USP42: variants seen among roughly 807,000 people sequenced by gnomAD.
USP42 encodes the protein ubiquitin specific peptidase 42, also known as ubiquitin carboxyl-terminal hydrolase 42.
A neutral mutation model predicts 113.0 loss-of-function variants in USP42; 23 were observed. The ratio of observed to expected loss-of-function variants is 0.20; its 90% CI spans 0.15 to 0.29. USP42 has a LOEUF of 0.29. Among genes scored for constraint, USP42 ranks in the 10% least tolerant of loss-of-function variants. USP42 has a pLI of 1.00. For synonymous variants in USP42, 933 were observed against 699.0 expected (o/e 1.33, Z -5.28); for missense variants, 2,174 against 1,779.8 (o/e 1.22, Z -3.99).
chr7:6,099,364 G>C, the USP42 span, among the ~76,000 whole-genome samples: 6 of 148,570 alleles, frequency 4.0e-5, 2 homozygotes, highest in Admixed American at 2.7e-4. Context: ...ACAGGCACCC[G>C]CCACCATGCC....
Position 6,140,838 on chromosome 7 carries a change from A to G in USP42, c.725-76A>G, listed in dbSNP as rs534709753. 9.5e-6 allele frequency: 8 copies of G among 841,118 alleles called. No individual in the cohort carries two copies. In the Admixed American group the frequency reaches 1.3e-4, roughly 14 times the overall value. The allele number at this position is 841,118 out of a possible 1,614,324, so 52.1% of individuals were successfully genotyped here. A position where few individuals can be genotyped will look rare whatever the true frequency, so the allele number is the denominator to read the frequency against. On this transcript the variant is annotated intron_variant, in intron 6 of 17. Coordinates refer to ENST00000306177, the MANE Select transcript of USP42 (RefSeq NM_032172.3). Reference sequence around the variant, plus strand: ...AAAAAATTTTAAATTTCAAAATTGTATTTTGTCATTTCAGTAGTTGATGTT... The same window carrying G: ...AAAAAATTTTAAATTTCAAAATTGTGTTTTGTCATTTCAGTAGTTGATGTT...
chr7:6,160,468 G>C (rs977182333), intron 17 of USP42, 87 bp from the exon 18 acceptor site: 3 of 152,384 alleles, frequency 2.0e-5, no homozygotes, highest in Admixed American at 6.6e-5. Context: ...CCCAGCCTTC[G>C]GGAGCAGCTG....
chr7:6,156,954 G>T lies in USP42; in HGVS notation c.3842G>T (p.Gly1281Val). The T allele has an allele frequency of 5.0e-6, 8 of 1,613,790 alleles. No individual in the cohort carries two copies. Among genetic ancestry groups the T allele is most frequent in the Non-Finnish European group, 6.8e-6 (8 of 1,179,802 alleles). ...GCCCAGGGTGGCTTTCCTCTCTCTG[G>T]TGGCCCGCCTCTGGAAGGCGTCGGA... ...RRAQGGFPLS[G>V]GPPLEGVGPF... is the part of the protein sequence containing the mutation. Residue 1281 changes from glycine to valine, a missense_variant, in exon 16 of 18, where the codon GGT (glycine) becomes GTT (valine). Physicochemically the swap from Gly to Val is moderately radical, Grantham distance 109. Coordinates refer to ENST00000306177, the MANE Select transcript of USP42 (RefSeq NM_032172.3).
Position 6,154,224 on chromosome 7 carries a change from G to C in USP42, c.2670G>C (p.Leu890Phe). The C allele has an allele frequency of 6.2e-7, 1 of 1,606,814 alleles. No individual in the cohort carries two copies. The highest frequency in any genetic ancestry group is 8.5e-7 in the Non-Finnish European group (1 of 1,178,874). Residue 890 changes from leucine (L) to phenylalanine (F), a missense_variant, in exon 15 of 18, where the codon TTG becomes TTC. Coordinates refer to ENST00000306177, the MANE Select transcript of USP42 (RefSeq NM_032172.3). ...ARDAQDPSQS[L>F]GAPEAAERPP... ...ACGCTCAGGACCCATCCCAGAGCTT[G>C]GGCGCACCCGAGGCCGCAGAGCGGC...
At position 6,139,484 on chromosome 7, in the gene USP42, C is replaced by A; in HGVS notation, c.656+290C>A. The A allele has an allele frequency of 3.7e-6, 1 of 266,884 alleles. No individual in the cohort carries two copies. Among genetic ancestry groups the A allele is most frequent in the East Asian group, 8.4e-5 (1 of 11,888 alleles). The allele number at this position is 266,884 out of a possible 1,614,324, so 16.5% of individuals were successfully genotyped here. A position where few individuals can be genotyped will look rare whatever the true frequency, so the allele number is the denominator to read the frequency against. On this transcript the variant is annotated intron_variant, in intron 5 of 17. Coordinates refer to ENST00000306177, the MANE Select transcript of USP42 (RefSeq NM_032172.3). The surrounding 1 kb of genome is among the most constrained non-coding windows in gnomAD (Gnocchi z 4.5). ...TCATTATCAGCAGACGTCTGCAGAT[C>A]TCAAACTAGCTGCTTCTCCTTTCTA...
In USP42 at chr7:6,159,513, G is replaced by GT. The variant is rs943626278; in HGVS notation, c.*36+23dup. The GT allele has an allele frequency of 1.7e-5, 27 of 1,610,404 alleles. No homozygotes were observed. In the African/African-American group the frequency reaches 2.7e-4, roughly 16 times the overall value. On this transcript the variant is annotated intron_variant, in intron 17 of 17. Transcript: ENST00000306177. This position sits in a 1 kb window ranked among gnomAD's most constrained non-coding sequence, Gnocchi z 4.1. ...GTTATGGTAAGCTGTTTTCCTGTCT[G>GT]TTTCCTCATTGTTTGTGGTGGCGCT...
the USP42 span, among the ~76,000 whole-genome samples, chr7:6,097,889 C>CCATGTAGCTTAT: frequency 2.2e-5 from 3 of 135,212 alleles, no homozygotes; most frequent in East Asian, 2.2e-4. Context: ...CGCGCCCGGC[C>CCATGTAGCTTAT]TTCTTTTTCT....
At chr7:6,131,305 GTC>G (rs1219101360) in intron 3 of USP42, among the ~76,000 whole-genome samples, 2 of 152,004 alleles carry the variant, frequency 1.3e-5, no homozygotes, top group Non-Finnish European at 2.9e-5. Context: ...GTGAAACCCT[GTC>G]TCTACTGAAA....
Position 6,161,550 on chromosome 7 carries a change from T to G in USP42, c.*1032T>G, listed in dbSNP as rs1481642940. On this transcript the variant is annotated 3_prime_UTR_variant, in exon 18 of 18. Coordinates refer to ENST00000306177, the MANE Select transcript of USP42 (RefSeq NM_032172.3). ...ATGTAAAATTTCTATAGTATATAAA[T>G]GGCAGCAAATCACACACTTGGCGTC... is the stretch of plus-strand genomic sequence containing the variant. 2.0e-5 allele frequency: 3 copies of G among 152,638 alleles called. No individual in the cohort carries two copies. Among genetic ancestry groups the G allele is most frequent in the Non-Finnish European group, 2.9e-5 (2 of 68,026 alleles). 9.5% of individuals were successfully genotyped at this position (152,638 alleles called of 1,614,324 possible). A position where few individuals can be genotyped will look rare whatever the true frequency, so the allele number is the denominator to read the frequency against.
chr7:6,153,731 G>GT (rs1324850234), intron 14 of USP42, 25 bp from the exon 15 acceptor site: 13 of 1,432,662 alleles, frequency 9.1e-6, no homozygotes, highest in Admixed American at 2.9e-5. Context: ...GCTAACGGGC[G>GT]TGTTTGTTTG....
chr7:6,110,347 T>C (rs1779531755), intron 1 of USP42, among the ~76,000 whole-genome samples: 1 of 152,188 alleles, frequency 6.6e-6, no homozygotes, highest in Admixed American at 6.5e-5. Flanking sequence ...ATACGTTCTT[T>C]ATAAAAATTA....
At chr7:6,104,338 TC>T (rs1779124106), upstream of USP42, among the ~76,000 whole-genome samples, 1 of 151,952 alleles carries the variant, frequency 6.6e-6, no homozygotes, top group African/African-American at 2.4e-5. Flanking sequence ...CGCCTCGGCC[TC>T]CCAGAATGCT....
At chr7:6,100,657 A>C, upstream of USP42, among the ~76,000 whole-genome samples, 1 of 145,182 alleles carries the variant, frequency 6.9e-6, no homozygotes, top group Non-Finnish European at 1.5e-5. Flanking sequence ...TCTGTTTCTT[A>C]GGGACTATTC....
At chr7:6,127,608 C>T (rs923596146) in intron 3 of USP42, among the ~76,000 whole-genome samples, 1 of 151,942 alleles carries the variant, frequency 6.6e-6, no homozygotes, top group African/African-American at 2.4e-5. Flanking sequence ...TGTCTGTCTC[C>T]AGGTTTCTGT....
chr7:6,095,319 G>A, the USP42 span, among the ~76,000 whole-genome samples: 3 of 151,162 alleles, frequency 2.0e-5, no homozygotes, highest in Non-Finnish European at 4.4e-5. Context: ...GTAAGCAAAA[G>A]CCTGGAAATA....
At chr7:6,110,662 T>C (rs1779551944) in intron 1 of USP42, among the ~76,000 whole-genome samples, 1 of 152,206 alleles carries the variant, frequency 6.6e-6, no homozygotes, top group South Asian at 2.1e-4. Context: ...CAAAATTAAG[T>C]CTAGATTTTT....
intron 3 of USP42, among the ~76,000 whole-genome samples, chr7:6,121,837 T>C (rs1780241889): frequency 6.6e-6 from 1 of 152,162 alleles, no homozygotes; most frequent in African/African-American, 2.4e-5. Flanking sequence ...TTTTAAATTA[T>C]TTTTGTAGAG....
rs1182004734 is a variant in USP42, at chr7:6,155,236, C to T, written c.3641+41C>T. ...TGTGCTCCCCGAGGCGCTGGCGCTG[C>T]TGTCAGCAGTGGGGCCTGTCCCTTC... On this transcript the variant is annotated intron_variant, in intron 15 of 17. Transcript: ENST00000306177. 4.7e-6 allele frequency: 7 copies of T among 1,485,924 alleles called. 1 individual carries two copies. Among genetic ancestry groups the T allele is most frequent in the South Asian group, 2.6e-5 (2 of 75,650 alleles). 92.0% of individuals were successfully genotyped at this position (1,485,924 alleles called of 1,614,324 possible).
rs778976025 is a variant in USP42 at position 6,156,861 on chromosome 7, T to G, written c.3749T>G (p.Phe1250Cys). 6.2e-7 allele frequency: 1 copy of G among 1,610,838 alleles called. No homozygotes were observed. The highest frequency in any genetic ancestry group is 2.2e-5 in the East Asian group (1 of 44,830). Residue 1250 changes from phenylalanine (F) to cysteine (C), a missense_variant, in exon 16 of 18, where the codon TTT becomes TGT. By Grantham distance (205) the Phe-to-Cys change is radical. Coordinates refer to ENST00000306177, the MANE Select transcript of USP42 (RefSeq NM_032172.3). The stretch of plus-strand genomic sequence containing the variant: ...AGACATTCAAGAAAATCAGAGGACT[T>G]TGTTAAAGATTCAGAACTGCACTTA... ...KKRHSRKSED[F>C]VKDSELHLPR... is the part of the protein sequence containing the mutation.
Sources: allele counts gnomAD v4.1 joint callset (sites outside exome capture counted in the v4.1 genomes callset), GRCh38; gene constraint gnomAD v4.1.1; non-coding constraint Gnocchi (gnomAD v3.1); transcripts MANE v1.5; gene names NCBI Gene and HGNC (gene_info 2026-07-23, HGNC 2026-07-21).